Variants in COMP observed in about 807,000 individuals in gnomAD.
COMP encodes the protein cartilage oligomeric matrix protein.
A neutral mutation model predicts 95.8 loss-of-function variants in COMP; 79 were observed. That is an observed-to-expected ratio of 0.82 (90% CI 0.69 to 0.99). The LOEUF (loss-of-function observed/expected upper bound fraction) is 0.99, where lower values mean the gene tolerates loss of function less well. COMP is among the 50% of genes least tolerant of loss of function. The pLI is 0.00. For missense variants in COMP, 906 were observed against 1,076.1 expected (o/e 0.84, Z 2.21); for synonymous variants, 438 against 433.9 (o/e 1.01, Z -0.12).
intron 11 of COMP, 74 bp from the exon 12 acceptor site, chr19:18,786,365 A>G (rs1396395072): frequency 3.8e-5 from 61 of 1,606,708 alleles, no homozygotes; most frequent in Non-Finnish European, 5.1e-5. Context: ...ACCCAGCCGC[A>G]CAGCCAAGGT....
rs761986781 is a variant in COMP, at chr19:18,783,207, A to G, written c.2088-14T>C. 21 of 1,605,960 alleles carry G rather than the reference A, an allele frequency of 1.3e-5. No homozygotes were observed. Among genetic ancestry groups the G allele is most frequent in the Non-Finnish European group, 1.7e-5 (20 of 1,179,912 alleles). ...TAGAATCGCACCCTGAGGGTCAGAC[A>G]TGGTGAGGCCTGGGGGACCTGGGCC... On this transcript the variant is annotated splice_polypyrimidine_tract_variant and intron_variant, in intron 17 of 18. Coordinates refer to ENST00000222271, the MANE Select transcript of COMP (RefSeq NM_000095.3).
chr19:18,789,992 AG>A lies in COMP; in HGVS notation c.339del (p.Cys114AlafsTer132). The A allele has an allele frequency of 6.3e-7, 1 of 1,592,672 alleles. No homozygotes were observed. Among genetic ancestry groups the A allele is most frequent in the South Asian group, 1.1e-5 (1 of 89,938 alleles). ...CCGTTGCCCGTGAAGCCCGCGGGGCAGGGGCCGCAGCGCGCGCCGCTCTCCG... is the reference window on the plus strand; with the variant it reads ...CCGTTGCCCGTGAAGCCCGCGGGGCAGGGCCGCAGCGCGCGCCGCTCTCCG... Reference protein sequence around the residue: ...IQTESGARCGPCPAGFTGNGS... With the variant: ...IQTESGARCGXCPAGFTGNGS... On this transcript the variant is annotated frameshift_variant, in exon 4 of 19. Coordinates refer to ENST00000222271, the MANE Select transcript of COMP (RefSeq NM_000095.3). LOFTEE classifies it high-confidence loss of function. This position sits in a 1 kb window ranked among gnomAD's most constrained non-coding sequence, Gnocchi z 6.1.
chr19:18,785,497 C>T lies in COMP; in HGVS notation c.1717+1G>A. Reference sequence around the variant, plus strand: ...GGATAGCGCTGCTCCCCGCTTCTCACCCACAGCCAGGCCTGGGTCGCTGTT... The same window carrying T: ...GGATAGCGCTGCTCCCCGCTTCTCATCCACAGCCAGGCCTGGGTCGCTGTT... On this transcript the variant is annotated splice_donor_variant, in intron 15 of 18. Transcript: ENST00000222271. LOFTEE classifies it high-confidence loss of function. 2 of 1,613,648 alleles carry T rather than the reference C, an allele frequency of 1.2e-6. No homozygotes were observed. The highest frequency in any genetic ancestry group is 8.5e-7 in the Non-Finnish European group (1 of 1,180,034).
intron 17 of COMP, among the ~76,000 whole-genome samples, 197 bp downstream of exon 17, chr19:18,783,994 C>G (rs2055146069): frequency 6.6e-6 from 1 of 152,248 alleles, no homozygotes; most frequent in Non-Finnish European, 1.5e-5. Flanking sequence ...ATCCTCCCAT[C>G]TTGGCTTTCC....
At chr19:18,790,742 C>A in intron 2 of COMP, 108 bp downstream of exon 2, 1 of 1,605,942 alleles carries the variant, frequency 6.2e-7, no homozygotes, top group Non-Finnish European at 8.5e-7. Flanking sequence ...CGACCCCCTT[C>A]CCTCCCCATC....
At position 18,785,043 on chromosome 19, in the gene COMP, G is replaced by A; in HGVS notation, c.1767C>T (p.Asn589=). ...GVDFEGTFHV[N]TVTDDDYAGF... is the part of the protein sequence containing the mutation. ...CCGCATAGTCGTCATCCGTGACCGT[G>A]TTCACATGGAACGTGCCCTCGAAGT... Residue 589 remains asparagine, a synonymous_variant, in exon 16 of 19, where the codon AAC becomes AAT. Transcript: ENST00000222271. The A allele has an allele frequency of 6.2e-7, 1 of 1,614,116 alleles. No homozygotes were observed.
In COMP at chr19:18,784,178, G is replaced by A. The variant is rs2055147562; in HGVS notation, c.2087+13C>T. 6.2e-7 allele frequency: 1 copy of A among 1,613,020 alleles called. No homozygotes were observed. Among genetic ancestry groups the A allele is most frequent in the Non-Finnish European group, 8.5e-7 (1 of 1,180,012 alleles). ...TCCCCAGCCCAGCCCACCACAGAGG[G>A]TGGAGTCCCCACCTGATGTAGCCCA... On this transcript the variant is annotated intron_variant, in intron 17 of 18. Transcript: ENST00000222271. This position sits in a 1 kb window ranked among gnomAD's most constrained non-coding sequence, Gnocchi z 4.9.
chr19:18,790,622 G>A lies in COMP; in HGVS notation c.166-9C>T, dbSNP rs763525913. 6.2e-7 allele frequency: 1 copy of A among 1,613,888 alleles called. No homozygotes were observed. Among genetic ancestry groups the A allele is most frequent in the Non-Finnish European group, 8.5e-7 (1 of 1,179,864 alleles). The stretch of plus-strand genomic sequence containing the variant: ...AACGTGATCTCCCTGACCTGCAGGG[G>A]TGGGATGGAATCAGCGGGGTCCCAA... On this transcript the variant is annotated splice_polypyrimidine_tract_variant and intron_variant, in intron 2 of 18. Coordinates refer to ENST00000222271, the MANE Select transcript of COMP (RefSeq NM_000095.3).
chr19:18,787,546 C>CT lies in COMP; in HGVS notation c.1079dup (p.Asp361GlyfsTer29). 1 of 1,614,066 alleles carries CT rather than the reference C, an allele frequency of 6.2e-7. No homozygotes were observed. Reference sequence around the variant, plus strand: ...CGCCCCGGCCGTCCTGGTCTGTGTCCTTTTGGTCGTCGTTCTTCTGGGACC... The same window carrying CT: ...CGCCCCGGCCGTCCTGGTCTGTGTCCTTTTTGGTCGTCGTTCTTCTGGGACC... On this transcript the variant is annotated frameshift_variant, in exon 10 of 19. Coordinates refer to ENST00000222271, the MANE Select transcript of COMP (RefSeq NM_000095.3). LOFTEE classifies it high-confidence loss of function.
rs2055169544 is a variant in COMP, at chr19:18,786,641, TTGCGGATCCC to T, written c.1136-1_1144del. 1.9e-6 allele frequency: 3 copies of T among 1,613,716 alleles called. No homozygotes were observed. The South Asian group carries it at 3.3e-5, about 18-fold the overall frequency. On this transcript the variant is annotated splice_acceptor_variant and coding_sequence_variant, in exon 11 of 19. Transcript: ENST00000222271. LOFTEE classifies it high-confidence loss of function. ...TACCCTAGGGCAGTTGTCGGCCTGG[TTGCGGATCCC>T]TGCAGAAATCCACGGGACCAGAGCC...
intron 2 of COMP, 46 bp downstream of exon 2, chr19:18,790,804 C>A (rs1162840451): frequency 6.4e-7 from 1 of 1,558,562 alleles, no homozygotes; most frequent in Non-Finnish European, 8.7e-7. Context: ...AACTGAGACC[C>A]CCTTCCGTTC....
Position 18,784,411 on chromosome 19 carries a change from G to C in COMP, c.1915-48C>G. Reference sequence around the variant, plus strand: ...GTCAGAGACCTCGTGGGCCACCGGAGCCCCCCTAGACACCTTCCTGGAGAG... The same window carrying C: ...GTCAGAGACCTCGTGGGCCACCGGACCCCCCCTAGACACCTTCCTGGAGAG... On this transcript the variant is annotated intron_variant, in intron 16 of 18. Coordinates refer to ENST00000222271, the MANE Select transcript of COMP (RefSeq NM_000095.3). This position sits in a 1 kb window ranked among gnomAD's most constrained non-coding sequence, Gnocchi z 4.9. 6.2e-7 allele frequency: 1 copy of C among 1,608,028 alleles called. No homozygotes were observed. The highest frequency in any genetic ancestry group is 2.2e-5 in the East Asian group (1 of 44,824).
At chr19:18,785,920 C>A (rs768778072) in intron 13 of COMP, 45 bp downstream of exon 13, 3 of 1,587,198 alleles carry the variant, frequency 1.9e-6, no homozygotes, top group Admixed American at 1.7e-5. Context: ...GCGCCAGGAG[C>A]CCCCACTGGC....
chr19:18,790,188 G>T, intron 3 of COMP, 74 bp from the exon 4 acceptor site: 1 of 1,194,896 alleles, frequency 8.4e-7, no homozygotes, highest in Non-Finnish European at 1.1e-6. Flanking sequence ...TCATGGCCAC[G>T]CCCCGGGGCT....
At chr19:18,787,899 T>TTTCC (rs2055180980) in intron 9 of COMP, among the ~76,000 whole-genome samples, 1 of 150,506 alleles carries the variant, frequency 6.6e-6, no homozygotes, top group South Asian at 2.1e-4. Context: ...TCTTTCTTTC[T>TTTCC]TTCTTTCTTT....
intron 1 of COMP, 48 bp from the exon 2 acceptor site, chr19:18,790,983 C>T (rs1460144468): frequency 1.3e-6 from 2 of 1,544,608 alleles, no homozygotes; most frequent in Non-Finnish European, 1.7e-6. Context: ...CGGGGAATCC[C>T]ACCACCAACT....
chr19:18,782,987 G>A (rs2055135169), intron 18 of COMP, 26 bp from the exon 19 acceptor site: 2 of 1,612,246 alleles, frequency 1.2e-6, no homozygotes, highest in African/African-American at 1.3e-5. Flanking sequence ...AGGCGGGTGA[G>A]GGCTGAGAAG....
Position 18,788,983 on chromosome 19 carries a change from T to C in COMP, c.529-70A>G. The C allele has an allele frequency of 6.4e-7, 1 of 1,567,392 alleles. No homozygotes were observed. The highest frequency in any genetic ancestry group is 2.3e-5 in the East Asian group (1 of 44,056). On this transcript the variant is annotated intron_variant, in intron 5 of 18. Coordinates refer to ENST00000222271, the MANE Select transcript of COMP (RefSeq NM_000095.3). The surrounding 1 kb of genome is among the most constrained non-coding windows in gnomAD (Gnocchi z 4.7). ...CCGGACCTCCCACCTCCTCCACACTTCCTCCGCATCCTGCCTCTCCCCTCC... is the reference window on the plus strand; with the variant it reads ...CCGGACCTCCCACCTCCTCCACACTCCCTCCGCATCCTGCCTCTCCCCTCC...
rs1601051040 is a variant in COMP at position 18,784,161 on chromosome 19, C to G, written c.2087+30G>C. The G allele has an allele frequency of 6.2e-7, 1 of 1,612,272 alleles. No individual in the cohort carries two copies. The highest frequency in any genetic ancestry group is 2.2e-5 in the East Asian group (1 of 44,870). ...CCACCTGGGCCTGTGTGTCCCCAGC[C>G]CAGCCCACCACAGAGGGTGGAGTCC... On this transcript the variant is annotated intron_variant, in intron 17 of 18. Coordinates refer to ENST00000222271, the MANE Select transcript of COMP (RefSeq NM_000095.3). The surrounding 1 kb of genome is among the most constrained non-coding windows in gnomAD (Gnocchi z 4.9).
Sources: gnomAD v4.1 joint callset for allele counts (sites outside exome capture counted in the v4.1 genomes callset) on GRCh38, gnomAD v4.1.1 for gene constraint, Gnocchi (gnomAD v3.1) non-coding constraint, MANE v1.5 for transcripts, NCBI Gene and HGNC (gene_info 2026-07-23, HGNC 2026-07-21) for gene names.